PCDHGB5: variants seen among roughly 807,000 people sequenced by gnomAD.
The protein encoded by PCDHGB5 is protocadherin gamma-B5.
Under a neutral mutation model 62.9 loss-of-function variants are expected in PCDHGB5, and 48 were observed. That is an observed-to-expected ratio of 0.76 (90% CI 0.61 to 0.97). PCDHGB5 has a LOEUF of 0.97. PCDHGB5 is among the 50% of genes least tolerant of loss of function. The pLI is 0.00. For synonymous variants in PCDHGB5, 474 were observed against 511.2 expected (o/e 0.93, Z 0.98); for missense variants, 1,118 against 1,198.6 (o/e 0.93, Z 0.99).
intron 1 of PCDHGB5, chr5:141,410,309 T>G: frequency 6.2e-7 from 1 of 1,613,998 alleles, no homozygotes; most frequent in Non-Finnish European, 8.5e-7. Flanking sequence ...CTCAGTGCTC[T>G]TCCTCCTCGC....
Position 141,485,113 on chromosome 5 carries a change from T to G in PCDHGB5, c.2398-9694T>G. On this transcript the variant is annotated intron_variant, in intron 1 of 3. Transcript: ENST00000617380. This position sits in a 1 kb window ranked among gnomAD's most constrained non-coding sequence, Gnocchi z 5.7. ...AGGTGTCTCCAGCTGCTGTGGCTGTTTGGGGCGGGTCGGCTTCATCCGCGT... is the reference window on the plus strand; with the variant it reads ...AGGTGTCTCCAGCTGCTGTGGCTGTGTGGGGCGGGTCGGCTTCATCCGCGT... 1 of 1,286,014 alleles carries G rather than the reference T, an allele frequency of 7.8e-7. No individual in the cohort carries two copies. Among genetic ancestry groups the G allele is most frequent in the Non-Finnish European group, 1.1e-6 (1 of 898,642 alleles). 79.7% of individuals were successfully genotyped at this position (1,286,014 alleles called of 1,614,324 possible). A position where few individuals can be genotyped will look rare whatever the true frequency, so the allele number is the denominator to read the frequency against.
At chr5:141,502,660 A>T (rs1423714257) in intron 2 of PCDHGB5, among the ~76,000 whole-genome samples, 2 of 152,208 alleles carry the variant, frequency 1.3e-5, no homozygotes, top group African/African-American at 4.8e-5. Flanking sequence ...GCAACCCTTC[A>T]TGCAATTTTA....
chr5:141,423,078 C>T (rs752144906), intron 1 of PCDHGB5: 2 of 1,614,108 alleles, frequency 1.2e-6, no homozygotes, highest in Non-Finnish European at 1.7e-6. Context: ...AGCCGGGACT[C>T]TTCGCGGTGG....
At chr5:141,421,587 G>T (rs758433133) in intron 1 of PCDHGB5, 6 of 1,613,900 alleles carry the variant, frequency 3.7e-6, no homozygotes, top group Non-Finnish European at 4.2e-6. Flanking sequence ...TTTACGGAGT[G>T]GAGGTGGAAA....
At chr5:141,464,685 C>A (rs1283627323) in intron 1 of PCDHGB5, among the ~76,000 whole-genome samples, 1 of 152,006 alleles carries the variant, frequency 6.6e-6, no homozygotes, top group Non-Finnish European at 1.5e-5. Flanking sequence ...ATTAAAATTT[C>A]TCTTATTATG....
At chr5:141,498,457 G>A (rs1028236637) in intron 2 of PCDHGB5, among the ~76,000 whole-genome samples, 8 of 152,126 alleles carry the variant, frequency 5.3e-5, no homozygotes, top group African/African-American at 1.9e-4. Flanking sequence ...CTTTTATCCA[G>A]TCTAACCCTG....
chr5:141,446,775 T>C (rs1175892018), intron 1 of PCDHGB5, among the ~76,000 whole-genome samples: 2 of 152,188 alleles, frequency 1.3e-5, no homozygotes, highest in Admixed American at 6.5e-5. Context: ...CCGGTTACCA[T>C]TCTTTTACTC....
intron 1 of PCDHGB5, among the ~76,000 whole-genome samples, chr5:141,458,336 GA>G (rs762646440): frequency 1.3e-5 from 2 of 152,118 alleles, no homozygotes; most frequent in Non-Finnish European, 2.9e-5. Context: ...TGGTTTTAAG[GA>G]GTGGAGAGTT....
rs200900873 is a variant in PCDHGB5 at position 141,510,902 on chromosome 5, G to A, written c.2546-45G>A. On this transcript the variant is annotated intron_variant, in intron 3 of 3. Transcript: ENST00000617380. ...GGGGATATAAGACAGTGACTGTTGAGGACCCTAAGTTTAGCTCCCACCTGA... is the reference window on the plus strand; with the variant it reads ...GGGGATATAAGACAGTGACTGTTGAAGACCCTAAGTTTAGCTCCCACCTGA... The A allele has an allele frequency of 1.5e-3, 2,449 of 1,613,462 alleles. 7 individuals carry two copies. The highest frequency in any genetic ancestry group is 1.9e-3 in the Non-Finnish European group (2,206 of 1,179,758).
rs10038103 is a variant in PCDHGB5 at position 141,414,849 on chromosome 5, C to T, written c.2397+14325C>T. On this transcript the variant is annotated intron_variant, in intron 1 of 3. Transcript: ENST00000617380. ...TGTCGTTGAGCCTGTTTGTGCTGGA[C>T]CAGAACGACAATGCGCCCGAGATCC... The T allele has an allele frequency of 7.9e-4, 1,268 of 1,614,252 alleles. 15 individuals carry two copies. In the African/African-American group the frequency reaches 0.015, roughly 19 times the overall value.
In PCDHGB5 at chr5:141,486,853, C is replaced by T. The variant is rs1401626024; in HGVS notation, c.2398-7954C>T. The stretch of plus-strand genomic sequence containing the variant: ...GTCTATTTGTGCTGGACCTCAATGA[C>T]AATGCTCCAGCTGTGCTCCGTCCTC... On this transcript the variant is annotated intron_variant, in intron 1 of 3. Coordinates refer to ENST00000617380, the MANE Select transcript of PCDHGB5 (RefSeq NM_018925.3). This position sits in a 1 kb window ranked among gnomAD's most constrained non-coding sequence, Gnocchi z 5.0. 6.2e-7 allele frequency: 1 copy of T among 1,614,244 alleles called. No individual in the cohort carries two copies. The highest frequency in any genetic ancestry group is 2.2e-5 in the East Asian group (1 of 44,886).
chr5:141,410,466 G>T (rs536543649), intron 1 of PCDHGB5: 2 of 1,613,908 alleles, frequency 1.2e-6, no homozygotes, highest in South Asian at 1.1e-5. Context: ...TATAATCTGT[G>T]CATTGCACAT....
At chr5:141,416,982 T>C (rs191309825) in intron 1 of PCDHGB5, 25 of 152,264 alleles carry the variant, frequency 1.6e-4, no homozygotes, top group African/African-American at 5.5e-4. Context: ...GAGTCAAAAT[T>C]ATTGTGCATT....
intron 1 of PCDHGB5, chr5:141,404,430 A>G (rs917902438): frequency 6.2e-7 from 1 of 1,613,298 alleles, no homozygotes; most frequent in African/African-American, 1.3e-5. Context: ...TCCTTGGCAG[A>G]GGATACCATC....
At chr5:141,422,664 C>T (rs2096662670) in intron 1 of PCDHGB5, 4 of 1,608,458 alleles carry the variant, frequency 2.5e-6, no homozygotes, top group Non-Finnish European at 3.4e-6. Flanking sequence ...CCGCCCTCGA[C>T]CCGGACAGCA....
At chr5:141,404,875 C>A in intron 1 of PCDHGB5, 1 of 1,613,904 alleles carries the variant, frequency 6.2e-7, no homozygotes, top group Non-Finnish European at 8.5e-7. Context: ...TCAAACAGAG[C>A]CTTGTGGTGG....
intron 1 of PCDHGB5, chr5:141,403,207 C>G: frequency 6.2e-7 from 1 of 1,613,966 alleles, no homozygotes. Context: ...GCACCTTGGT[C>G]ACCGCGGGTA....
chr5:141,403,308 T>C (rs1245270186), intron 1 of PCDHGB5: 2 of 1,613,866 alleles, frequency 1.2e-6, no homozygotes, highest in Admixed American at 1.7e-5. Flanking sequence ...CTGTACGGAA[T>C]AGAAATAGAA....
Position 141,490,644 on chromosome 5 carries a change from T to G in PCDHGB5, c.2398-4163T>G, listed in dbSNP as rs772742713. 1 of 1,614,188 alleles carries G rather than the reference T, an allele frequency of 6.2e-7. No individual in the cohort carries two copies. Among genetic ancestry groups the G allele is most frequent in the Non-Finnish European group, 8.5e-7 (1 of 1,180,016 alleles). The stretch of plus-strand genomic sequence containing the variant: ...CTGCTTACATCCTAGAAAACCGGCC[T>G]CCGGGCTCCCTTCTTTGCACTGTGG... On this transcript the variant is annotated intron_variant, in intron 1 of 3. Transcript: ENST00000617380. The surrounding 1 kb of genome is among the most constrained non-coding windows in gnomAD (Gnocchi z 5.4).
Sources: allele counts gnomAD v4.1 joint callset (sites outside exome capture counted in the v4.1 genomes callset), GRCh38; gene constraint gnomAD v4.1.1; non-coding constraint Gnocchi (gnomAD v3.1); transcripts MANE v1.5; gene names NCBI Gene and HGNC (gene_info 2026-07-23, HGNC 2026-07-21).